SYT1: variants seen among roughly 807,000 people sequenced by gnomAD.
The protein encoded by SYT1 is synaptotagmin-1.
In SYT1, 8 loss-of-function variants were observed where a neutral mutation model predicts 44.8. The ratio of observed to expected loss-of-function variants is 0.18; its 90% CI spans 0.10 to 0.32. SYT1 has a LOEUF of 0.32. SYT1 is among the 10% of genes least tolerant of loss of function. SYT1 has a pLI of 1.00. For missense variants in SYT1, 286 were observed against 509.3 expected (o/e 0.56, Z 4.22); for synonymous variants, 154 against 188.8 (o/e 0.82, Z 1.51).
chr12:79,018,573 G>A (rs902346786), intron 2 of SYT1, among the ~76,000 whole-genome samples: 2 of 152,002 alleles, frequency 1.3e-5, no homozygotes, highest in Non-Finnish European at 2.9e-5. Context: ...TACCAAGAAA[G>A]GAAAGAGCTG....
intron 3 of SYT1, among the ~76,000 whole-genome samples, chr12:79,139,060 C>T (rs540666393): frequency 1.4e-4 from 21 of 152,220 alleles, no homozygotes; most frequent in Non-Finnish European, 2.9e-4. Flanking sequence ...CCCAGCTCTG[C>T]TTTCACCAGC....
At chr12:79,153,495 T>C (rs1033161976) in intron 3 of SYT1, among the ~76,000 whole-genome samples, 1 of 152,136 alleles carries the variant, frequency 6.6e-6, no homozygotes, top group East Asian at 1.9e-4. Flanking sequence ...GGTTAAAAAC[T>C]CAGTTGATGA....
intron 4 of SYT1, among the ~76,000 whole-genome samples, chr12:79,275,925 G>A (rs908198735): frequency 6.6e-6 from 1 of 152,124 alleles, no homozygotes; most frequent in Non-Finnish European, 1.5e-5. Flanking sequence ...GCTACTACAA[G>A]CAGCATGTGA....
chr12:79,119,422 G>T (rs570831706), intron 3 of SYT1, among the ~76,000 whole-genome samples: 7 of 151,682 alleles, frequency 4.6e-5, no homozygotes, highest in African/African-American at 1.7e-4. Context: ...TCAGTTTTTT[G>T]ACCCCTGACT....
At chr12:78,940,968 T>A (rs1878316019) in intron 1 of SYT1, among the ~76,000 whole-genome samples, 1 of 152,106 alleles carries the variant, frequency 6.6e-6, no homozygotes, top group Non-Finnish European at 1.5e-5. Flanking sequence ...GAATATTTAA[T>A]TGTGTGCTCT....
At chr12:79,402,192 C>T (rs543232289) in intron 9 of SYT1, among the ~76,000 whole-genome samples, 25 of 152,216 alleles carry the variant, frequency 1.6e-4, no homozygotes, top group Admixed American at 2.6e-4. Context: ...AAATTTCTCC[C>T]GTAAAAAGTT....
intron 9 of SYT1, among the ~76,000 whole-genome samples, chr12:79,421,745 T>TTTTG (rs1029304860): frequency 1.3e-5 from 2 of 151,824 alleles, no homozygotes; most frequent in Admixed American, 6.6e-5. Flanking sequence ...TGGTGGGTGT[T>TTTTG]TTTGTTTGTT....
intron 3 of SYT1, among the ~76,000 whole-genome samples, chr12:79,091,002 T>C (rs1164057395): frequency 6.6e-6 from 1 of 151,898 alleles, no homozygotes; most frequent in Non-Finnish European, 1.5e-5. Flanking sequence ...AGAAACCGTC[T>C]GCCTGCATCC....
rs578239147 is a variant in SYT1 at position 79,172,105 on chromosome 12, A to G, written c.-17-45398A>G. Among the ~76,000 whole-genome samples, 3 of 152,148 alleles carry G rather than the reference A, an allele frequency of 2.0e-5. No individual in the cohort carries two copies. In the South Asian group the frequency reaches 6.2e-4, roughly 32 times the overall value. On this transcript the variant is annotated intron_variant, in intron 3 of 10. Transcript: ENST00000261205. ...TCAAAATTAATTTTCCAAGTGCCTA[A>G]GTAATTTCTAAATAGAGATATAAAC...
At chr12:79,051,731 T>A (rs1200026045) in intron 3 of SYT1, among the ~76,000 whole-genome samples, 1 of 152,050 alleles carries the variant, frequency 6.6e-6, no homozygotes, top group Non-Finnish European at 1.5e-5. Context: ...GAGATTGGAT[T>A]AAGTATATGA....
intron 8 of SYT1, among the ~76,000 whole-genome samples, chr12:79,312,496 G>T (rs1367865462): frequency 2.0e-5 from 3 of 151,978 alleles, no homozygotes; most frequent in Non-Finnish European, 4.4e-5. Flanking sequence ...TAGAATTTAA[G>T]CTAGAATTTT....
At chr12:79,271,873 G>A (rs1435981207) in intron 4 of SYT1, among the ~76,000 whole-genome samples, 1 of 152,174 alleles carries the variant, frequency 6.6e-6, no homozygotes, top group Non-Finnish European at 1.5e-5. Flanking sequence ...TGTATGGGAA[G>A]AGAGTTTATT....
At chr12:79,140,412 A>T (rs543113977) in intron 3 of SYT1, among the ~76,000 whole-genome samples, 1 of 152,278 alleles carries the variant, frequency 6.6e-6, no homozygotes, top group South Asian at 2.1e-4. Context: ...ATACAGATTT[A>T]GTATGCCTTT....
intron 1 of SYT1, among the ~76,000 whole-genome samples, chr12:78,871,509 C>T (rs149475573): frequency 7.6e-4 from 115 of 151,958 alleles, no homozygotes; most frequent in African/African-American, 2.7e-3. Context: ...CTATGAAATA[C>T]GGAAACTGCC....
At chr12:79,174,200 C>G (rs978762159) in intron 3 of SYT1, among the ~76,000 whole-genome samples, 3 of 152,034 alleles carry the variant, frequency 2.0e-5, no homozygotes, top group African/African-American at 7.2e-5. Context: ...ATGCTGAAAT[C>G]ACTAAGGATG....
intron 9 of SYT1, among the ~76,000 whole-genome samples, chr12:79,379,405 AC>A (rs1884127950): frequency 6.6e-6 from 1 of 152,136 alleles, no homozygotes; most frequent in Admixed American, 6.5e-5. Context: ...CCAGCTGTGT[AC>A]CATTCCAAGG....
intron 3 of SYT1, among the ~76,000 whole-genome samples, chr12:79,143,270 C>A (rs1028328857): frequency 6.6e-6 from 1 of 152,102 alleles, no homozygotes; most frequent in Non-Finnish European, 1.5e-5. Flanking sequence ...ATTAAATTAC[C>A]TTTACAATTA....
At chr12:79,423,256 C>A (rs1026693695) in intron 9 of SYT1, among the ~76,000 whole-genome samples, 1 of 152,104 alleles carries the variant, frequency 6.6e-6, no homozygotes, top group Non-Finnish European at 1.5e-5. Flanking sequence ...AGGTTACAGT[C>A]TTTTCCTTAT....
At chr12:79,107,812 G>A (rs2138078262) in intron 3 of SYT1, among the ~76,000 whole-genome samples, 1 of 151,924 alleles carries the variant, frequency 6.6e-6, no homozygotes, top group African/African-American at 2.4e-5. Flanking sequence ...TATCAATTAA[G>A]AAAAAAGCTA....
Sources: allele counts gnomAD v4.1 joint callset (sites outside exome capture counted in the v4.1 genomes callset), GRCh38; gene constraint gnomAD v4.1.1; transcripts MANE v1.5; gene names NCBI Gene and HGNC (gene_info 2026-07-23, HGNC 2026-07-21).